Variants in ESRRG observed in about 807,000 individuals in gnomAD.
ESRRG encodes the protein estrogen-related receptor gamma.
Under a neutral mutation model 44.0 loss-of-function variants are expected in ESRRG, and 13 were observed. The observed-to-expected ratio is 0.30, with a 90% CI of 0.19 to 0.47. ESRRG has a LOEUF of 0.47. Ranked by LOEUF, ESRRG falls within the 20% of genes least tolerant of loss-of-function variation. The pLI, the probability that ESRRG is intolerant of heterozygous loss-of-function variation, is 1.00. For synonymous variants in ESRRG, 215 were observed against 214.6 expected, an observed-to-expected ratio of 1.00 and a Z score of -0.02; for missense variants, 395 against 580.6, an observed-to-expected ratio of 0.68 and a Z score of 3.29.
intron 6 of ESRRG, among the ~76,000 whole-genome samples, chr1:216,510,771 G>C (rs1445932875): frequency 6.6e-6 from 1 of 152,016 alleles, no homozygotes; most frequent in Non-Finnish European, 1.5e-5. Context: ...TGCAGTCCCA[G>C]CTACTCGGGA....
At chr1:217,048,495 C>T (rs1260983356) in intron 1 of ESRRG, among the ~76,000 whole-genome samples, 14 of 152,126 alleles carry the variant, frequency 9.2e-5, no homozygotes, top group South Asian at 2.1e-4. Context: ...AGGCCAACAA[C>T]GAGGGTGCTA....
intron 2 of ESRRG, among the ~76,000 whole-genome samples, chr1:216,739,515 T>C (rs2090400138): frequency 6.6e-6 from 1 of 152,206 alleles, no homozygotes; most frequent in African/African-American, 2.4e-5. Flanking sequence ...ATGACTGGTA[T>C]GTAGAGTTTA....
chr1:216,545,882 A>AGG (rs2054351055), intron 5 of ESRRG, among the ~76,000 whole-genome samples: 1 of 152,100 alleles, frequency 6.6e-6, no homozygotes, highest in Non-Finnish European at 1.5e-5. Flanking sequence ...TGCTCATGAA[A>AGG]ATATACCCTG....
chr1:216,575,548 A>T (rs749536014), intron 3 of ESRRG, among the ~76,000 whole-genome samples: 26 of 152,116 alleles, frequency 1.7e-4, no homozygotes, highest in Admixed American at 7.2e-4. Flanking sequence ...CGGCTTAATG[A>T]CTTAATGCAT....
chr1:216,964,817 C>T (rs2069906318), intron 1 of ESRRG, among the ~76,000 whole-genome samples: 3 of 151,618 alleles, frequency 2.0e-5, no homozygotes, highest in Admixed American at 1.3e-4. Context: ...GAAGATATAA[C>T]GTTATTTTAC....
chr1:216,762,572 GGAGGGA>G (rs1402162605), intron 2 of ESRRG, among the ~76,000 whole-genome samples: 1 of 133,582 alleles, frequency 7.5e-6, no homozygotes, highest in Non-Finnish European at 1.6e-5. Context: ...GGGGGAGTGG[GGAGGGA>G]TAGCATTGGG....
At chr1:216,619,078 T>C (rs565542547) in intron 3 of ESRRG, among the ~76,000 whole-genome samples, 2 of 152,256 alleles carry the variant, frequency 1.3e-5, no homozygotes, top group African/African-American at 2.4e-5. Context: ...CACCAACATA[T>C]GCATTCTTAG....
intron 1 of ESRRG, among the ~76,000 whole-genome samples, chr1:216,956,356 T>C (rs2067953358): frequency 6.6e-6 from 1 of 152,144 alleles, no homozygotes; most frequent in Non-Finnish European, 1.5e-5. Flanking sequence ...AAACTCTTTC[T>C]TTCTCTAACA....
In ESRRG at chr1:216,723,228, GA is replaced by G; in HGVS notation, c.56+15del. The G allele has an allele frequency of 6.4e-7, 1 of 1,573,532 alleles. No homozygotes were observed. The highest frequency in any genetic ancestry group is 8.7e-7 in the Non-Finnish European group (1 of 1,145,410). On this transcript the variant is annotated intron_variant, in intron 1 of 6. Coordinates refer to ENST00000408911, the MANE Select transcript of ESRRG (RefSeq NM_001438.4). ...CCCCACGACGAGTTTAAAAAGGAAA[GA>G]AAAAAGGTACCTACTCTTCCTCGTA...
At chr1:217,072,554 A>G (rs1026464156) in intron 1 of ESRRG, among the ~76,000 whole-genome samples, 2 of 152,232 alleles carry the variant, frequency 1.3e-5, no homozygotes, top group African/African-American at 4.8e-5. Flanking sequence ...CCAGCTTTAC[A>G]ACAAAGGGAA....
intron 5 of ESRRG, among the ~76,000 whole-genome samples, chr1:216,555,719 A>C (rs1403554857): frequency 2.0e-5 from 3 of 152,184 alleles, no homozygotes; most frequent in African/African-American, 4.8e-5. Flanking sequence ...TTTTCCCTGA[A>C]TGTCAAAGTC....
intron 1 of ESRRG, among the ~76,000 whole-genome samples, chr1:217,005,736 T>G (rs957732563): frequency 5.3e-5 from 8 of 152,128 alleles, no homozygotes; most frequent in African/African-American, 1.9e-4. Context: ...GGAAAAAAAT[T>G]TTTAATAGTA....
intron 3 of ESRRG, among the ~76,000 whole-genome samples, chr1:216,599,575 C>CT (rs2058915194): frequency 6.6e-6 from 1 of 152,146 alleles, no homozygotes; most frequent in African/African-American, 2.4e-5. Flanking sequence ...AATGTTCACT[C>CT]TAACAACCTC....
At chr1:216,571,245 C>T (rs781143579) in intron 3 of ESRRG, among the ~76,000 whole-genome samples, 3 of 152,044 alleles carry the variant, frequency 2.0e-5, no homozygotes, top group Admixed American at 6.5e-5. Context: ...GAGTTCGAGA[C>T]CAGCCTGGCC....
chr1:216,662,550 G>A (rs2072765392), intron 2 of ESRRG, among the ~76,000 whole-genome samples: 1 of 152,036 alleles, frequency 6.6e-6, no homozygotes, highest in African/African-American at 2.4e-5. Flanking sequence ...TCTATGTTAG[G>A]GATTTCAGAT....
chr1:216,809,447 T>C (rs1281832605), intron 2 of ESRRG, among the ~76,000 whole-genome samples: 1 of 152,092 alleles, frequency 6.6e-6, no homozygotes, highest in Non-Finnish European at 1.5e-5. Flanking sequence ...ATGAGTTACA[T>C]TTCTATCATT....
At chr1:216,965,750 T>C (rs2070195359) in intron 1 of ESRRG, among the ~76,000 whole-genome samples, 1 of 152,142 alleles carries the variant, frequency 6.6e-6, no homozygotes, top group South Asian at 2.1e-4. Context: ...CACTCAGATA[T>C]TGGAAAGAGC....
chr1:217,128,420 C>T (rs2092918584), intron 1 of ESRRG, among the ~76,000 whole-genome samples: 1 of 152,172 alleles, frequency 6.6e-6, no homozygotes. Context: ...AGTAACTTTA[C>T]AAGCATGTCA....
At chr1:216,960,611 G>A (rs1239619500) in intron 1 of ESRRG, among the ~76,000 whole-genome samples, 1 of 125,546 alleles carries the variant, frequency 8.0e-6, no homozygotes, top group Non-Finnish European at 1.8e-5. Context: ...TGTGGAGACA[G>A]AGTCTCACTT....
Sources: allele counts gnomAD v4.1 joint callset (sites outside exome capture counted in the v4.1 genomes callset), GRCh38; gene constraint gnomAD v4.1.1; transcripts MANE v1.5; gene names NCBI Gene and HGNC (gene_info 2026-07-23, HGNC 2026-07-21).